Variants in GATB observed in about 807,000 individuals in gnomAD.
The protein encoded by GATB is glutamyl-tRNA(Gln) amidotransferase subunit B, mitochondrial.
Under a neutral mutation model 62.3 loss-of-function variants are expected in GATB, and 39 were observed. The observed-to-expected ratio is 0.63, with a 90% CI of 0.48 to 0.82. The LOEUF is 0.82. GATB is among the 40% of genes least tolerant of loss of function. The probability of loss-of-function intolerance (pLI) is 0.00; values close to 1 mark genes in which losing one functional copy is unlikely to be tolerated. For synonymous variants in GATB, 276 were observed against 258.9 expected (o/e 1.07, Z -0.63); for missense variants, 670 against 684.0 (o/e 0.98, Z 0.23).
rs140617313 is a variant in GATB, at chr4:151,751,969, A to T, written c.327+6803T>A. Among the ~76,000 whole-genome samples, 682 of 152,268 alleles carry T rather than the reference A, an allele frequency of 4.5e-3. 1 individual carries two copies. Among genetic ancestry groups the T allele is most frequent in the Middle Eastern group, 0.014 (4 of 294 alleles). ...GCTGGCAACCTGAAACTTCTCTATT[A>T]TTCCAGCAGGTTCCTGGGGTAATGA... On this transcript the variant is annotated intron_variant, in intron 2 of 12. Transcript: ENST00000263985.
At chr4:151,692,832 T>A (rs1446072407) in intron 9 of GATB, among the ~76,000 whole-genome samples, 3 of 152,270 alleles carry the variant, frequency 2.0e-5, no homozygotes, top group Non-Finnish European at 4.4e-5. Flanking sequence ...TATTGCATTC[T>A]AATTCCTCTA....
intron 2 of GATB, among the ~76,000 whole-genome samples, chr4:151,728,480 T>C (rs1274742632): frequency 6.6e-6 from 1 of 152,232 alleles, no homozygotes; most frequent in Non-Finnish European, 1.5e-5. Flanking sequence ...AGATTTCTCC[T>C]ACTTCAACTC....
rs149320450 is a variant in GATB at position 151,672,127 on chromosome 4, C to T, written c.1545+635G>A. The stretch of plus-strand genomic sequence containing the variant: ...GTGGGTATTATTCTGAAAAAGATGC[C>T]GACAATTTTTTTCCCCACTGAAAAA... On this transcript the variant is annotated intron_variant, in intron 12 of 12. Coordinates refer to ENST00000263985, the MANE Select transcript of GATB (RefSeq NM_004564.3). Among the ~76,000 whole-genome samples, 696 of 152,108 alleles carry T rather than the reference C, an allele frequency of 4.6e-3. 1 individual carries two copies. Among genetic ancestry groups the T allele is most frequent in the Middle Eastern group, 0.014 (4 of 294 alleles).
At chr4:151,746,242 C>A (rs1739591693) in intron 2 of GATB, among the ~76,000 whole-genome samples, 1 of 152,218 alleles carries the variant, frequency 6.6e-6, no homozygotes. Context: ...AAATTTCAAA[C>A]AAACTTGATT....
chr4:151,700,562 C>T (rs1738580769), intron 9 of GATB, among the ~76,000 whole-genome samples: 1 of 152,206 alleles, frequency 6.6e-6, no homozygotes, highest in Non-Finnish European at 1.5e-5. Flanking sequence ...AATCCAGTTT[C>T]CGCAGATCCT....
intron 4 of GATB, 174 bp from the exon 5 acceptor site, chr4:151,716,305 C>T (rs891559084): frequency 6.9e-5 from 43 of 626,486 alleles, no homozygotes; most frequent in Admixed American, 5.9e-4. Context: ...TTTAAAGAGG[C>T]GTCATCTTGC....
intron 2 of GATB, among the ~76,000 whole-genome samples, chr4:151,727,854 G>A (rs940739031): frequency 6.6e-6 from 1 of 152,176 alleles, no homozygotes; most frequent in Non-Finnish European, 1.5e-5. Context: ...TAAATGCAAA[G>A]TGCCTATCTC....
chr4:151,674,793 C>G (rs1737960572), intron 11 of GATB: 1 of 152,220 alleles, frequency 6.6e-6, no homozygotes, highest in Non-Finnish European at 1.5e-5. Context: ...CAAAAAAGCT[C>G]CTAGCTGAAA....
chr4:151,693,994 A>T (rs1307331080), intron 9 of GATB, among the ~76,000 whole-genome samples: 2 of 152,208 alleles, frequency 1.3e-5, no homozygotes, highest in Non-Finnish European at 2.9e-5. Flanking sequence ...CTAAAAGACT[A>T]TCTGCACGAA....
At position 151,670,574 on chromosome 4, in the gene GATB, T is replaced by C. The variant is rs960280806; in HGVS notation, c.*600A>G. On this transcript the variant is annotated 3_prime_UTR_variant, in exon 13 of 13. Transcript: ENST00000263985. ...AGGGAGTTTAACAGGCAATATCACT[T>C]CTACTCAGTCGATAGGTTGATTAAT... is the stretch of plus-strand genomic sequence containing the variant. 2.0e-5 allele frequency: 3 copies of C among 152,232 alleles called. No homozygotes were observed. Among genetic ancestry groups the C allele is most frequent in the Non-Finnish European group, 2.9e-5 (2 of 68,042 alleles). 9.4% of individuals were successfully genotyped at this position (152,232 alleles called of 1,614,324 possible).
At chr4:151,749,404 G>C (rs554728287) in intron 2 of GATB, among the ~76,000 whole-genome samples, 1 of 150,994 alleles carries the variant, frequency 6.6e-6, no homozygotes, top group Non-Finnish European at 1.5e-5. Flanking sequence ...GCAAACTATC[G>C]CAAGGACAGA....
intron 9 of GATB, among the ~76,000 whole-genome samples, chr4:151,694,758 G>A (rs1011142366): frequency 1.3e-5 from 2 of 152,226 alleles, no homozygotes; most frequent in East Asian, 3.9e-4. Context: ...TATTACATAT[G>A]GGATATATAG....
At chr4:151,717,908 A>C (rs1738945225) in intron 3 of GATB, among the ~76,000 whole-genome samples, 1 of 152,192 alleles carries the variant, frequency 6.6e-6, no homozygotes, top group Non-Finnish European at 1.5e-5. Context: ...CCTAGGAAGG[A>C]GGAACAAGGC....
chr4:151,727,735 T>C (rs1007384329), intron 2 of GATB, among the ~76,000 whole-genome samples: 8 of 152,194 alleles, frequency 5.3e-5, no homozygotes, highest in African/African-American at 1.9e-4. Flanking sequence ...ACTTTCCTTA[T>C]CTGTTTAGGG....
chr4:151,706,897 G>A (rs148936182), intron 6 of GATB, among the ~76,000 whole-genome samples: 4 of 152,222 alleles, frequency 2.6e-5, no homozygotes, highest in African/African-American at 7.2e-5. Context: ...AGATAGCTTC[G>A]GTTTTAAAAA....
intron 10 of GATB, among the ~76,000 whole-genome samples, chr4:151,687,659 G>T (rs1180587929): frequency 1.3e-5 from 2 of 152,206 alleles, no homozygotes; most frequent in African/African-American, 4.8e-5. Context: ...GAGTAATGAG[G>T]TCTAGAAGAG....
At chr4:151,683,842 A>C (rs564982638) in intron 10 of GATB, among the ~76,000 whole-genome samples, 70 of 152,146 alleles carry the variant, frequency 4.6e-4, no homozygotes, top group African/African-American at 1.6e-3. Flanking sequence ...ATTTCCCACC[A>C]CCCATCTTCT....
chr4:151,754,795 T>C (rs1739791648), intron 2 of GATB, among the ~76,000 whole-genome samples: 1 of 152,240 alleles, frequency 6.6e-6, no homozygotes, highest in African/African-American at 2.4e-5. Flanking sequence ...TTTATCCATA[T>C]ACTAGTTTTT....
At chr4:151,679,103 C>T (rs1225692122) in intron 11 of GATB, among the ~76,000 whole-genome samples, 1 of 152,160 alleles carries the variant, frequency 6.6e-6, no homozygotes, top group Non-Finnish European at 1.5e-5. Context: ...GCCATGTTGA[C>T]CAGGCTGGTC....
Sources: allele counts gnomAD v4.1 joint callset (sites outside exome capture counted in the v4.1 genomes callset), GRCh38; gene constraint gnomAD v4.1.1; transcripts MANE v1.5; gene names NCBI Gene and HGNC (gene_info 2026-07-23, HGNC 2026-07-21).